The following NSUN4 variants were observed in gnomAD, a reference collection of about 807,000 sequenced individuals.
The protein encoded by NSUN4 is 5-cytosine rRNA methyltransferase NSUN4.
Under a neutral mutation model 43.8 loss-of-function variants are expected in NSUN4, and 31 were observed. The observed-to-expected ratio is 0.71, with a 90% CI of 0.53 to 0.96. NSUN4 has a LOEUF of 0.96. Ranked by LOEUF, NSUN4 falls within the 40% of genes least tolerant of loss-of-function variation. The probability of loss-of-function intolerance (pLI) is 0.00; values close to 1 mark genes in which losing one functional copy is unlikely to be tolerated. For synonymous variants in NSUN4, 167 were observed against 184.1 expected (o/e 0.91, Z 0.75); for missense variants, 439 against 475.6 (o/e 0.92, Z 0.72).
chr1:46,343,506 A>G (rs973614161), intron 1 of NSUN4: 15 of 399,666 alleles, frequency 3.8e-5, no homozygotes, highest in African/African-American at 3.1e-4. Context: ...TTCGACTATT[A>G]TTAGCAAATG....
intron 1 of NSUN4, 84 bp from the exon 2 acceptor site, chr1:46,344,717 C>T: frequency 8.2e-7 from 1 of 1,221,470 alleles, no homozygotes; most frequent in Non-Finnish European, 1.2e-6. Flanking sequence ...TCCAAGTTTG[C>T]CCCTAGGCTC....
intron 4 of NSUN4, among the ~76,000 whole-genome samples, chr1:46,360,001 G>A (rs1387854227): frequency 4.0e-5 from 6 of 150,770 alleles, no homozygotes; most frequent in African/African-American, 7.3e-5. Flanking sequence ...AGGCCAAGGC[G>A]GGCAGATCAT....
downstream of NSUN4, among the ~76,000 whole-genome samples, chr1:46,366,635 G>T (rs1416573931): frequency 4.3e-5 from 6 of 138,930 alleles, no homozygotes; most frequent in South Asian, 9.0e-4. Context: ...AAGGCAGGTG[G>T]ATCACCTGAG....
intron 5 of NSUN4, 136 bp downstream of exon 5, chr1:46,360,964 G>T: frequency 1.0e-6 from 1 of 972,916 alleles, no homozygotes. Context: ...GACAGAAATG[G>T]GATCATCTCT....
intron 4 of NSUN4, among the ~76,000 whole-genome samples, chr1:46,357,513 A>G (rs2148406433): frequency 6.6e-6 from 1 of 152,344 alleles, no homozygotes; most frequent in East Asian, 1.9e-4. Flanking sequence ...AGATATTCAG[A>G]TATATTGCCA....
At chr1:46,366,704 C>CAAA (rs34437222), downstream of NSUN4, among the ~76,000 whole-genome samples, 193 of 59,394 alleles carry the variant, frequency 3.2e-3, no homozygotes, top group East Asian at 8.8e-3. Context: ...ACTAAAAATA[C>CAAA]AAAAAAAAAA....
At chr1:46,343,016 C>A in intron 1 of NSUN4, 1 of 399,668 alleles carries the variant, frequency 2.5e-6, no homozygotes, top group South Asian at 1.3e-4. Context: ...GTGTTATCCC[C>A]ACTTCTTTTC....
At chr1:46,372,222 G>A in the NSUN4 span, among the ~76,000 whole-genome samples, 427 of 149,466 alleles carry the variant, frequency 2.9e-3, 2 homozygotes, top group Middle Eastern at 0.035. Context: ...CTCACTGTAA[G>A]TTCCGCCTCC....
intron 4 of NSUN4, among the ~76,000 whole-genome samples, chr1:46,357,700 G>C (rs1663483584): frequency 6.6e-6 from 1 of 151,872 alleles, no homozygotes; most frequent in African/African-American, 2.4e-5. Context: ...TTTTTGGGTT[G>C]GGGAAACTCC....
At chr1:46,376,096 TAAAAAAAA>T in the NSUN4 span, among the ~76,000 whole-genome samples, 1 of 40,892 alleles carries the variant, frequency 2.4e-5, no homozygotes, top group African/African-American at 1.2e-4. Flanking sequence ...AGAGCGAAAC[TAAAAAAAA>T]AAAAAAAAAA....
In NSUN4 at chr1:46,353,713, G is replaced by A. The variant is rs1191960746; in HGVS notation, c.753+685G>A. On this transcript the variant is annotated intron_variant, in intron 4 of 5. Transcript: ENST00000474844. ...AGGCTGGTCTTGACCTCCTGACCTC[G>A]TGATCCACCCGCCTCGGCCTCCCAA... Among the ~76,000 whole-genome samples, 43 of 151,916 alleles carry A rather than the reference G, an allele frequency of 2.8e-4. 1 individual carries two copies. Among genetic ancestry groups the A allele is most frequent in the Non-Finnish European group, 8.8e-5 (6 of 67,976 alleles).
chr1:46,365,198 G>A (rs1291558474), downstream of NSUN4: 1 of 152,090 alleles, frequency 6.6e-6, no homozygotes, highest in African/African-American at 2.4e-5. Context: ...TTGCTGAATT[G>A]TATTCCATGG....
chr1:46,360,228 CAAAAAAAA>C (rs1240539714), intron 4 of NSUN4, among the ~76,000 whole-genome samples: 3 of 35,018 alleles, frequency 8.6e-5, no homozygotes, highest in African/African-American at 5.1e-4. Flanking sequence ...GACTCCATCT[CAAAAAAAA>C]AAAAAAAAAA....
intron 1 of NSUN4, chr1:46,341,549 T>C (rs2148355344): frequency 8.9e-7 from 1 of 1,127,142 alleles, no homozygotes; most frequent in Non-Finnish European, 1.1e-6. Flanking sequence ...CCAGAGACCC[T>C]TTTTCTTGCC....
At chr1:46,376,790 C>G in the NSUN4 span, among the ~76,000 whole-genome samples, 40 of 151,776 alleles carry the variant, frequency 2.6e-4, no homozygotes, top group Admixed American at 2.6e-3. Flanking sequence ...TGGAGTCTTA[C>G]TCTGTCACCC....
In NSUN4 at chr1:46,363,927, A is replaced by G. The variant is rs1379631360; in HGVS notation, c.*2081A>G. 8 of 152,164 alleles carry G rather than the reference A, an allele frequency of 5.3e-5. No individual in the cohort carries two copies. Among genetic ancestry groups the G allele is most frequent in the Non-Finnish European group, 8.8e-5 (6 of 68,038 alleles). The allele number at this position is 152,164 out of a possible 1,614,324, so 9.4% of individuals were successfully genotyped here. A position where few individuals can be genotyped will look rare whatever the true frequency, so the allele number is the denominator to read the frequency against. On this transcript the variant is annotated 3_prime_UTR_variant, in exon 6 of 6. Coordinates refer to ENST00000474844, the MANE Select transcript of NSUN4 (RefSeq NM_199044.4). Reference sequence around the variant, plus strand: ...TTCTATGGAGTTATTCTTTACATACAATATAGTTCATAAATTTTAAATATA... The same window carrying G: ...TTCTATGGAGTTATTCTTTACATACGATATAGTTCATAAATTTTAAATATA...
chr1:46,370,325 C>G, the NSUN4 span, among the ~76,000 whole-genome samples: 1 of 152,174 alleles, frequency 6.6e-6, no homozygotes, highest in Non-Finnish European at 1.5e-5. Flanking sequence ...CATACGAAAC[C>G]TTTCAATGAG....
downstream of NSUN4, among the ~76,000 whole-genome samples, chr1:46,367,302 A>G (rs1399702782): frequency 6.6e-6 from 1 of 152,206 alleles, no homozygotes; most frequent in Non-Finnish European, 1.5e-5. Flanking sequence ...CAGTGACAGT[A>G]ATCACTACTG....
At chr1:46,376,529 A>C in the NSUN4 span, among the ~76,000 whole-genome samples, 1 of 150,432 alleles carries the variant, frequency 6.6e-6, no homozygotes, top group Non-Finnish European at 1.5e-5. Flanking sequence ...TGTAAGATAA[A>C]ATTTAATAGC....
Sources: allele counts gnomAD v4.1 joint callset (sites outside exome capture counted in the v4.1 genomes callset), GRCh38; gene constraint gnomAD v4.1.1; transcripts MANE v1.5; gene names NCBI Gene and HGNC (gene_info 2026-07-23, HGNC 2026-07-21).